The following GAREM1 variants were observed in gnomAD, a reference collection of about 807,000 sequenced individuals.
GAREM1 encodes the protein GRB2-associated and regulator of MAPK protein 1.
In GAREM1, 26 loss-of-function variants were observed where a neutral mutation model predicts 71.3. The observed-to-expected ratio is 0.36, with a 90% CI of 0.27 to 0.51. The LOEUF (loss-of-function observed/expected upper bound fraction) is 0.51, where lower values mean the gene tolerates loss of function less well. Among genes scored for constraint, GAREM1 ranks in the 20% least tolerant of loss-of-function variants. The probability of loss-of-function intolerance (pLI) is 0.95; values close to 1 mark genes in which losing one functional copy is unlikely to be tolerated. For missense variants in GAREM1, 1,026 were observed against 1,103.1 expected (o/e 0.93, Z 0.99); for synonymous variants, 440 against 433.2 (o/e 1.02, Z -0.20).
chr18:32,281,369 T>C (rs1057006310), intron 4 of GAREM1, among the ~76,000 whole-genome samples: 1 of 152,114 alleles, frequency 6.6e-6, no homozygotes, highest in Admixed American at 6.6e-5. Context: ...AATTTACTCT[T>C]TAAGTCCCAT....
chr18:32,327,843 G>A (rs755025183), intron 2 of GAREM1, among the ~76,000 whole-genome samples: 28 of 152,058 alleles, frequency 1.8e-4, no homozygotes, highest in Admixed American at 1.1e-3. Flanking sequence ...AGGACATTTC[G>A]GGGCTTCAGT....
At chr18:32,297,188 T>C (rs1192213338) in intron 3 of GAREM1, among the ~76,000 whole-genome samples, 3 of 152,228 alleles carry the variant, frequency 2.0e-5, no homozygotes, top group Admixed American at 6.5e-5. Flanking sequence ...GGTTTACTGA[T>C]ACTGGGTATA....
At chr18:32,271,247 C>T (rs533210909) in intron 4 of GAREM1, among the ~76,000 whole-genome samples, 1 of 152,044 alleles carries the variant, frequency 6.6e-6, no homozygotes, top group South Asian at 2.1e-4. Context: ...TGTTGGAGTG[C>T]AGCGGCACCA....
chr18:32,434,329 T>C (rs1400186664), intron 1 of GAREM1, among the ~76,000 whole-genome samples: 4 of 152,190 alleles, frequency 2.6e-5, no homozygotes, highest in African/African-American at 9.7e-5. Flanking sequence ...GATATACATA[T>C]ATTTCCTAAC....
At chr18:32,302,008 C>T (rs2047206544) in intron 3 of GAREM1, among the ~76,000 whole-genome samples, 1 of 152,072 alleles carries the variant, frequency 6.6e-6, no homozygotes, top group African/African-American at 2.4e-5. Flanking sequence ...GTACCATATG[C>T]CATAATGATT....
chr18:32,444,179 G>A (rs989979718), intron 1 of GAREM1, among the ~76,000 whole-genome samples: 1 of 152,114 alleles, frequency 6.6e-6, no homozygotes, highest in Non-Finnish European at 1.5e-5. Context: ...AAATGTTCTG[G>A]AATTAACAAA....
chr18:32,288,077 G>T lies in GAREM1; in HGVS notation c.520C>A (p.Leu174Ile). The stretch of plus-strand genomic sequence containing the variant: ...CCAATCTTTTTGAAGATTGTGTTGA[G>T]TCGTGACTTTTCCTTGAATGTCTTT... The part of the protein sequence containing the change: ...YAKTFKEKSR[L>I]NTIFKKIGKL... The change falls in exon 4 of 6, where the codon CTC becomes ATC. Residue 174 changes from leucine to isoleucine, a missense_variant. Around this residue, in one of 3 missense-constraint regions of GAREM1, gnomAD observed 218 missense variants for 296.8 expected, o/e 0.73. Transcript: ENST00000269209. 1 of 1,614,128 alleles carries T rather than the reference G, an allele frequency of 6.2e-7. No homozygotes were observed.
At chr18:32,417,638 T>C (rs140351018) in intron 1 of GAREM1, among the ~76,000 whole-genome samples, 41 of 152,284 alleles carry the variant, frequency 2.7e-4, no homozygotes, top group African/African-American at 9.9e-4. Context: ...AGACATTGTA[T>C]GTTCTCACTT....
intron 2 of GAREM1, among the ~76,000 whole-genome samples, chr18:32,332,216 C>T (rs190218957): frequency 6.6e-6 from 1 of 151,692 alleles, no homozygotes; most frequent in Non-Finnish European, 1.5e-5. Flanking sequence ...GTAGTCTTTG[C>T]CTACCAGGTT....
chr18:32,381,423 A>AT (rs1224598765), intron 2 of GAREM1, among the ~76,000 whole-genome samples: 1 of 152,254 alleles, frequency 6.6e-6, no homozygotes, highest in African/African-American at 2.4e-5. Flanking sequence ...TAAGAAGGTT[A>AT]ATTTTAAAAA....
rs2041342097 is a variant in GAREM1 at position 32,264,159 on chromosome 18, T to C, written c.*3712A>G. On this transcript the variant is annotated 3_prime_UTR_variant, in exon 6 of 6. Transcript: ENST00000269209. ...TCACATAATTTGCACTCTAGGCCTT[T>C]TATTCTTCTTGCTCAAGCAGCCTGG... The C allele has an allele frequency of 6.6e-6, 1 of 152,168 alleles. No homozygotes were observed. Among genetic ancestry groups the C allele is most frequent in the South Asian group, 2.1e-4 (1 of 4,826 alleles). 9.4% of individuals were successfully genotyped at this position (152,168 alleles called of 1,614,324 possible). A position where few individuals can be genotyped will look rare whatever the true frequency, so the allele number is the denominator to read the frequency against.
rs1181306308 is a variant in GAREM1 at position 32,287,757 on chromosome 18, C to T, written c.840G>A (p.Thr280=). The part of the protein sequence containing the change: ...RYKFVNIQTK[T]VVVCCVLRNN... ...TCCGCAGCACACAGCAAACCACCAC[C>T]GTCTTGGTCTGGATGTTCACAAACT... Residue 280 remains threonine (T), a synonymous_variant, in exon 4 of 6, where the codon ACG becomes ACA. Coordinates refer to ENST00000269209, the MANE Select transcript of GAREM1 (RefSeq NM_001242409.2). This position sits in a 1 kb window ranked among gnomAD's most constrained non-coding sequence, Gnocchi z 5.9. The T allele has an allele frequency of 3.1e-6, 5 of 1,613,446 alleles. No homozygotes were observed. The highest frequency in any genetic ancestry group is 1.7e-5 in the Admixed American group (1 of 59,916).
At chr18:32,336,782 C>T (rs1241966406) in intron 2 of GAREM1, among the ~76,000 whole-genome samples, 1 of 152,164 alleles carries the variant, frequency 6.6e-6, no homozygotes, top group South Asian at 2.1e-4. Flanking sequence ...CAGCTTGAAT[C>T]GGAACAAGCA....
intron 2 of GAREM1, among the ~76,000 whole-genome samples, chr18:32,319,610 G>A (rs762403756): frequency 1.5e-4 from 23 of 152,272 alleles, no homozygotes; most frequent in Non-Finnish European, 2.9e-4. Flanking sequence ...ACTGCCTAAC[G>A]TATGTACATG....
At chr18:32,380,817 T>C (rs751136667) in intron 2 of GAREM1, among the ~76,000 whole-genome samples, 2 of 152,100 alleles carry the variant, frequency 1.3e-5, no homozygotes, top group Non-Finnish European at 2.9e-5. Context: ...TTCAACTTTG[T>C]TGAGAATTGT....
chr18:32,347,406 G>A (rs558813976), intron 2 of GAREM1, among the ~76,000 whole-genome samples: 1 of 152,214 alleles, frequency 6.6e-6, no homozygotes, highest in East Asian at 1.9e-4. Context: ...GGAAAGCACT[G>A]CTCTGCAGCA....
chr18:32,441,378 A>C (rs974751889), intron 1 of GAREM1, among the ~76,000 whole-genome samples: 1 of 152,084 alleles, frequency 6.6e-6, no homozygotes, highest in Admixed American at 6.6e-5. Flanking sequence ...TGTTATGAGG[A>C]CTAAATAATC....
intron 1 of GAREM1, among the ~76,000 whole-genome samples, chr18:32,468,835 G>A (rs191425303): frequency 1.8e-4 from 27 of 152,220 alleles, no homozygotes; most frequent in Non-Finnish European, 5.9e-5. Flanking sequence ...CAATTTTGGA[G>A]GAGGAAATGA....
intron 1 of GAREM1, among the ~76,000 whole-genome samples, chr18:32,393,822 C>T (rs1186061890): frequency 6.6e-6 from 1 of 152,110 alleles, no homozygotes; most frequent in Non-Finnish European, 1.5e-5. Flanking sequence ...AGATGTTTTT[C>T]TAGATGCTGA....
Sources: allele counts gnomAD v4.1 joint callset (sites outside exome capture counted in the v4.1 genomes callset), GRCh38; gene constraint gnomAD v4.1.1; regional missense constraint gnomAD v4.1.1; non-coding constraint Gnocchi (gnomAD v3.1); transcripts MANE v1.5; gene names NCBI Gene and HGNC (gene_info 2026-07-23, HGNC 2026-07-21).